ZNF677: variants seen among roughly 807,000 people sequenced by gnomAD.
ZNF677 encodes the protein hypothetical protein MGC48625.
ZNF677 carries 5 observed loss-of-function variants against 8.1 expected under a neutral mutation model. The ratio of observed to expected loss-of-function variants is 0.62; its 90% confidence interval spans 0.32 to 1.29. The LOEUF (loss-of-function observed/expected upper bound fraction) is 1.29. ZNF677 is among the 50% of genes most tolerant of loss of function. The pLI, the probability that ZNF677 is intolerant of heterozygous loss-of-function variation, is 0.05. For missense variants in ZNF677, 685 were observed against 685.9 expected, an observed-to-expected ratio of 1.00 and a Z score of 0.01; for synonymous variants, 221 against 225.6, an observed-to-expected ratio of 0.98 and a Z score of 0.18.
intron 2 of ZNF677, among the ~76,000 whole-genome samples, chr19:53,251,890 G>A (rs2091240093): frequency 6.6e-6 from 1 of 152,174 alleles, no homozygotes; most frequent in South Asian, 2.1e-4. Context: ...AAACTGTTGT[G>A]TCCAAGTTCA....
At chr19:53,248,147 G>A (rs953071453) in intron 3 of ZNF677, among the ~76,000 whole-genome samples, 1 of 152,036 alleles carries the variant, frequency 6.6e-6, no homozygotes, top group Non-Finnish European at 1.5e-5. Flanking sequence ...GTTGCCCTGG[G>A]AATTAAAATT....
chr19:53,240,755 A>C (rs570056356), intron 4 of ZNF677: 1 of 152,364 alleles, frequency 6.6e-6, no homozygotes, highest in African/African-American at 2.4e-5. Context: ...AGATACTATT[A>C]TGGAGGATAT....
At chr19:53,253,508 T>C (rs2091266785) in intron 1 of ZNF677, among the ~76,000 whole-genome samples, 1 of 151,994 alleles carries the variant, frequency 6.6e-6, no homozygotes, top group Non-Finnish European at 1.5e-5. Context: ...GCTAACAAGG[T>C]GAAAATCCCG....
At chr19:53,252,486 G>A (rs1181243637) in intron 2 of ZNF677, among the ~76,000 whole-genome samples, 1 of 152,172 alleles carries the variant, frequency 6.6e-6, no homozygotes, top group Non-Finnish European at 1.5e-5. Context: ...GCAAAGGTTT[G>A]TCCTTATTTC....
rs1422501726 is a variant in ZNF677, at chr19:53,235,621, G to C, written c.*1351C>G. On this transcript the variant is annotated 3_prime_UTR_variant, in exon 5 of 5. Coordinates refer to ENST00000598513, the MANE Select transcript of ZNF677 (RefSeq NM_182609.4). ...ATGCAACAGTAACTACCTTTCAAGA[G>C]AGGGTGACTATCATTCCCCCTCCAT... 1 of 152,076 alleles carries C rather than the reference G, an allele frequency of 6.6e-6. No individual in the cohort carries two copies. Among genetic ancestry groups the C allele is most frequent in the Non-Finnish European group, 1.5e-5 (1 of 68,026 alleles). The allele number at this position is 152,076 out of a possible 1,614,324, so 9.4% of individuals were successfully genotyped here. A position where few individuals can be genotyped will look rare whatever the true frequency, so the allele number is the denominator to read the frequency against.
intron 4 of ZNF677, chr19:53,239,951 G>A (rs953085002): frequency 2.0e-5 from 3 of 152,202 alleles, no homozygotes; most frequent in African/African-American, 4.8e-5. Flanking sequence ...AGGGCAGCAC[G>A]GATTATAAAT....
At chr19:53,249,274 G>A (rs1020313192) in intron 3 of ZNF677, 2 of 152,194 alleles carry the variant, frequency 1.3e-5, no homozygotes, top group Non-Finnish European at 2.9e-5. Context: ...TAATGTCTGA[G>A]CTTCCTCAGA....
chr19:53,242,009 A>G (rs1402055070), intron 4 of ZNF677: 1 of 391,986 alleles, frequency 2.6e-6, no homozygotes, highest in Non-Finnish European at 4.5e-6. Context: ...TCGGCTCACC[A>G]CAACCTCTGC....
chr19:53,249,088 C>T (rs778222148), intron 3 of ZNF677: 5 of 152,104 alleles, frequency 3.3e-5, no homozygotes, highest in South Asian at 4.1e-4. Flanking sequence ...GAAATTTTCA[C>T]GTTATACTTT....
chr19:53,249,992 C>T (rs1289567766), intron 3 of ZNF677, among the ~76,000 whole-genome samples: 1 of 152,102 alleles, frequency 6.6e-6, no homozygotes, highest in Admixed American at 6.5e-5. Context: ...CCTGCCTCAG[C>T]CTCTCGAGTA....
At chr19:53,249,348 T>C (rs1378315633) in intron 3 of ZNF677, 3 of 152,126 alleles carry the variant, frequency 2.0e-5, no homozygotes, top group Non-Finnish European at 4.4e-5. Flanking sequence ...CACACAGCTG[T>C]AGTACAGTTG....
chr19:53,244,715 TCA>T (rs2091109347), intron 3 of ZNF677, among the ~76,000 whole-genome samples: 1 of 152,164 alleles, frequency 6.6e-6, no homozygotes, highest in Non-Finnish European at 1.5e-5. Context: ...CCTATCAAAA[TCA>T]CAGTGACACT....
Position 53,237,434 on chromosome 19 carries a change from G to A in ZNF677, c.1293C>T (p.His431=), listed in dbSNP as rs1445290116. 1 of 1,613,884 alleles carries A rather than the reference G, an allele frequency of 6.2e-7. No individual in the cohort carries two copies. The highest frequency in any genetic ancestry group is 8.5e-7 in the Non-Finnish European group (1 of 1,180,016). Residue 431 remains histidine (H), a synonymous_variant, in exon 5 of 5, where the codon CAC becomes CAT. Transcript: ENST00000598513. ...AAGCCCTGCCACACACATTACATTT[G>A]TGTGGTTTCTCTCCAGGATGTATAT... The part of the protein sequence containing the change: ...HQNIHPGEKP[H]KCNVCGRAFI...
chr19:53,241,946 T>G, intron 4 of ZNF677: 1 of 394,942 alleles, frequency 2.5e-6, no homozygotes. Context: ...TTTTTTTTTT[T>G]TCGAGATGGA....
At chr19:53,249,725 A>G (rs1778959075) in intron 3 of ZNF677, among the ~76,000 whole-genome samples, 1 of 150,804 alleles carries the variant, frequency 6.6e-6, no homozygotes, top group African/African-American at 2.5e-5. Flanking sequence ...TAAAAAATAT[A>G]TATATCATGT....
rs2090982347 is a variant in ZNF677, at chr19:53,237,353, A to T, written c.1374T>A (p.Pro458=). ...EHQRIHTGEK[P]YKCNKCDKAF... Reference sequence around the variant, plus strand: ...CTTTATCACATTTATTACATTTGTAAGGTTTTTCTCCAGTGTGAATTCTCT... The same window carrying T: ...CTTTATCACATTTATTACATTTGTATGGTTTTTCTCCAGTGTGAATTCTCT... The change falls in exon 5 of 5, where the codon CCT becomes CCA. Residue 458 remains proline (P), a synonymous_variant. Transcript: ENST00000598513. 6.2e-7 allele frequency: 1 copy of T among 1,613,580 alleles called. No individual in the cohort carries two copies. The highest frequency in any genetic ancestry group is 8.5e-7 in the Non-Finnish European group (1 of 1,179,938).
intron 1 of ZNF677, among the ~76,000 whole-genome samples, chr19:53,254,022 G>A (rs1373520487): frequency 6.6e-6 from 1 of 152,094 alleles, no homozygotes; most frequent in South Asian, 2.1e-4. Flanking sequence ...GCTGAATAAG[G>A]GTTGCTTCTG....
chr19:53,249,869 A>AATT (rs1204417754), intron 3 of ZNF677, among the ~76,000 whole-genome samples: 1 of 151,956 alleles, frequency 6.6e-6, no homozygotes, highest in African/African-American at 2.4e-5. Flanking sequence ...ATTATTTTTT[A>AATT]ATTATTATTA....
chr19:53,251,416 C>G lies in ZNF677; in HGVS notation c.15+120G>C, dbSNP rs28738769. 2.4e-3 allele frequency: 1,914 copies of G among 782,342 alleles called. 36 individuals carry two copies. The African/African-American group carries it at 0.029, about 12-fold the overall frequency. 48.5% of individuals were successfully genotyped at this position (782,342 alleles called of 1,614,324 possible). ...TGTGGAGATGGAATTGAGGGAAAGC[C>G]CTGGGTGTGAATATACATATTAGTC... On this transcript the variant is annotated intron_variant, in intron 3 of 4. Coordinates refer to ENST00000598513, the MANE Select transcript of ZNF677 (RefSeq NM_182609.4).
Sources: allele counts gnomAD v4.1 joint callset (sites outside exome capture counted in the v4.1 genomes callset), GRCh38; gene constraint gnomAD v4.1.1; transcripts MANE v1.5; gene names NCBI Gene and HGNC (gene_info 2026-07-23, HGNC 2026-07-21).